The following AP1AR variants were observed in gnomAD, a reference collection of about 807,000 sequenced individuals.
The protein encoded by AP1AR is AP-1 complex-associated regulatory protein.
Under a neutral mutation model 46.3 loss-of-function variants are expected in AP1AR, and 29 were observed. The observed-to-expected ratio is 0.63, with a 90% confidence interval of 0.47 to 0.85. AP1AR has a LOEUF of 0.85. Among genes scored for constraint, AP1AR ranks in the 40% least tolerant of loss-of-function variants. The pLI, the probability that AP1AR is intolerant of heterozygous loss-of-function variation, is 0.00. For synonymous variants in AP1AR, 122 were observed against 122.9 expected, an observed-to-expected ratio of 0.99 and a Z score of 0.05; for missense variants, 357 against 356.3, an observed-to-expected ratio of 1.00 and a Z score of -0.02.
intron 1 of AP1AR, among the ~76,000 whole-genome samples, chr4:112,249,409 C>T (rs1055003815): frequency 1.3e-5 from 2 of 151,692 alleles, no homozygotes; most frequent in African/African-American, 2.4e-5. Flanking sequence ...CCTGTAATCT[C>T]ACCACTTTGG....
At chr4:112,238,207 C>G (rs957751692) in intron 1 of AP1AR, among the ~76,000 whole-genome samples, 2 of 152,234 alleles carry the variant, frequency 1.3e-5, no homozygotes, top group Non-Finnish European at 2.9e-5. Flanking sequence ...ATCACTCTCT[C>G]CATTCTCAGT....
chr4:112,232,195 G>GCCCGGCCCCCGTGGCTCCTC, intron 1 of AP1AR, 21 bp downstream of exon 1: 2 of 1,266,138 alleles, frequency 1.6e-6, no homozygotes, highest in South Asian at 6.1e-5. Context: ...TGGGGGAGGG[G>GCCCGGCCCCCGTGGCTCCTC]CCCGGCCCCC....
At chr4:112,265,450 A>G (rs983164102) in intron 7 of AP1AR, 1 of 384,238 alleles carries the variant, frequency 2.6e-6, no homozygotes, top group African/African-American at 2.1e-5. Flanking sequence ...CACAAGTATC[A>G]CTACTCATTC....
rs1726834382 is a variant in AP1AR at position 112,268,999 on chromosome 4, A to G, written c.*590A>G. ...TTTATTTACATGTCCTAGTATGATA[A>G]TGTTGATTCAATCTGAACAAAAGAT... On this transcript the variant is annotated 3_prime_UTR_variant, in exon 10 of 10. Transcript: ENST00000274000. 1 of 151,638 alleles carries G rather than the reference A, an allele frequency of 6.6e-6. No homozygotes were observed. Among genetic ancestry groups the G allele is most frequent in the Non-Finnish European group, 1.5e-5 (1 of 67,772 alleles). 9.4% of individuals were successfully genotyped at this position (151,638 alleles called of 1,614,324 possible).
intron 6 of AP1AR, among the ~76,000 whole-genome samples, chr4:112,264,517 T>C (rs77266275): frequency 0.056 from 8,545 of 152,254 alleles, 307 homozygotes; most frequent in Non-Finnish European, 0.085. Context: ...ATATAGCTAA[T>C]AGCTATCAGA....
intron 2 of AP1AR, among the ~76,000 whole-genome samples, chr4:112,254,141 A>G (rs1726082218): frequency 6.6e-6 from 1 of 152,218 alleles, no homozygotes; most frequent in South Asian, 2.1e-4. Context: ...TAAAATAAAA[A>G]CACTTTAGTG....
intron 1 of AP1AR, among the ~76,000 whole-genome samples, chr4:112,242,695 G>A (rs1725558334): frequency 6.6e-6 from 1 of 152,134 alleles, no homozygotes; most frequent in South Asian, 2.1e-4. Context: ...CCATTCATGA[G>A]GGATCCACCA....
chr4:112,249,074 C>G (rs1179481377), intron 1 of AP1AR, among the ~76,000 whole-genome samples: 1 of 152,106 alleles, frequency 6.6e-6, no homozygotes, highest in Admixed American at 6.5e-5. Flanking sequence ...AGACAGATCA[C>G]CTGGGGTCAG....
At chr4:112,248,060 T>C (rs1047825019) in intron 1 of AP1AR, among the ~76,000 whole-genome samples, 1 of 152,162 alleles carries the variant, frequency 6.6e-6, no homozygotes, top group African/African-American at 2.4e-5. Flanking sequence ...CTCAATATAA[T>C]CAAGCTTTTA....
intron 1 of AP1AR, among the ~76,000 whole-genome samples, chr4:112,232,866 C>T (rs1437265185): frequency 2.6e-5 from 4 of 152,214 alleles, no homozygotes; most frequent in Non-Finnish European, 5.9e-5. Flanking sequence ...TGCAGTCCTT[C>T]TGAACTTCAC....
chr4:112,273,106 C>CAT lies in AP1AR; in HGVS notation c.*4698_*4699insTA, dbSNP rs1295870718. 1 of 151,938 alleles carries CAT rather than the reference C, an allele frequency of 6.6e-6. No homozygotes were observed. The highest frequency in any genetic ancestry group is 1.5e-5 in the Non-Finnish European group (1 of 67,994). 9.4% of individuals were successfully genotyped at this position (151,938 alleles called of 1,614,324 possible). A position where few individuals can be genotyped will look rare whatever the true frequency, so the allele number is the denominator to read the frequency against. On this transcript the variant is annotated 3_prime_UTR_variant, in exon 10 of 10. Transcript: ENST00000274000. ...CAATAACAATAAAAATGGAGAGAAA[C>CAT]AGAATCCCTGCATCTGATTCTTGAA...
In AP1AR at chr4:112,232,126, T is replaced by C. The variant is rs1019169184; in HGVS notation, c.35T>C (p.Leu12Pro). 2.3e-6 allele frequency: 3 copies of C among 1,287,478 alleles called. No individual in the cohort carries two copies. Among genetic ancestry groups the C allele is most frequent in the African/African-American group, 1.5e-5 (1 of 64,892 alleles). 79.8% of individuals were successfully genotyped at this position (1,287,478 alleles called of 1,614,324 possible). The change falls in exon 1 of 10, where the codon CTG becomes CCG. Residue 12 changes from leucine to proline, a missense_variant. Physicochemically the swap from Leu to Pro is moderately conservative, Grantham distance 98. Around this residue, in one of 2 missense-constraint regions of AP1AR, gnomAD observed 269 missense variants for 223.6 expected, o/e 1.20. Transcript: ENST00000274000. ...GNCCWTQCFG[L>P]LRKEAGRLQR... Reference sequence around the variant, plus strand: ...TGCTGCTGGACGCAGTGCTTCGGACTGCTTCGCAAGGAAGCGGGGCGGCTG... The same window carrying C: ...TGCTGCTGGACGCAGTGCTTCGGACCGCTTCGCAAGGAAGCGGGGCGGCTG...
chr4:112,265,663 C>CA (rs1374219920), intron 7 of AP1AR, 71 bp from the exon 8 acceptor site: 38 of 1,124,154 alleles, frequency 3.4e-5, no homozygotes, highest in Admixed American at 6.4e-5. Flanking sequence ...ACAATGCCAT[C>CA]ATTAGCTTAT....
Position 112,268,127 on chromosome 4 carries a change from C to T in AP1AR, c.644-17C>T. The T allele has an allele frequency of 6.6e-7, 1 of 1,507,538 alleles. No individual in the cohort carries two copies. Among genetic ancestry groups the T allele is most frequent in the Non-Finnish European group, 8.8e-7 (1 of 1,130,384 alleles). 93.4% of individuals were successfully genotyped at this position (1,507,538 alleles called of 1,614,324 possible). Reference sequence around the variant, plus strand: ...TTATCTGTTCTGAGATTTTTGAAAACTCTGTTCAAATCATAGGAATGAATA... The same window carrying T: ...TTATCTGTTCTGAGATTTTTGAAAATTCTGTTCAAATCATAGGAATGAATA... On this transcript the variant is annotated splice_polypyrimidine_tract_variant and intron_variant, in intron 9 of 9. Coordinates refer to ENST00000274000, the MANE Select transcript of AP1AR (RefSeq NM_018569.6).
At chr4:112,242,551 A>G (rs1167107901) in intron 1 of AP1AR, among the ~76,000 whole-genome samples, 5 of 152,158 alleles carry the variant, frequency 3.3e-5, no homozygotes, top group African/African-American at 1.2e-4. Flanking sequence ...ACTAGTGGCA[A>G]AAGGTGAAGG....
Position 112,269,288 on chromosome 4 carries a change from C to T in AP1AR, c.*879C>T, listed in dbSNP as rs953830875. On this transcript the variant is annotated 3_prime_UTR_variant, in exon 10 of 10. Transcript: ENST00000274000. ...GAAAAGAAAATCTAAAAAGGTAATA[C>T]GGGTATTTCAAATAAAATCCTTTCT... The T allele has an allele frequency of 2.0e-5, 3 of 152,066 alleles. No individual in the cohort carries two copies. The highest frequency in any genetic ancestry group is 4.4e-5 in the Non-Finnish European group (3 of 67,802). The allele number at this position is 152,066 out of a possible 1,614,324, so 9.4% of individuals were successfully genotyped here.
chr4:112,268,108 G>C, intron 9 of AP1AR, 36 bp from the exon 10 acceptor site: 1 of 1,503,606 alleles, frequency 6.7e-7, no homozygotes, highest in Non-Finnish European at 8.9e-7. Context: ...TTTATTATCT[G>C]TTCTGAGATT....
At position 112,260,752 on chromosome 4, in the gene AP1AR, CT is replaced by C; in HGVS notation, c.186-7del. 13 of 1,532,100 alleles carry C rather than the reference CT, an allele frequency of 8.5e-6. No homozygotes were observed. The highest frequency in any genetic ancestry group is 2.3e-5 in the East Asian group (1 of 43,680). 94.9% of individuals were successfully genotyped at this position (1,532,100 alleles called of 1,614,324 possible). On this transcript the variant is annotated splice_polypyrimidine_tract_variant and intron_variant, in intron 4 of 9. Coordinates refer to ENST00000274000, the MANE Select transcript of AP1AR (RefSeq NM_018569.6). ...TTTGTTTTTTCTTTTTCTCCTCCTCCTTTTTTTCTCTAGGCCTCTTACTGAG... is the reference window on the plus strand; with the variant it reads ...TTTGTTTTTTCTTTTTCTCCTCCTCCTTTTTTCTCTAGGCCTCTTACTGAG...
At chr4:112,250,355 T>C (rs1725901422) in intron 1 of AP1AR, among the ~76,000 whole-genome samples, 1 of 152,232 alleles carries the variant, frequency 6.6e-6, no homozygotes, top group Non-Finnish European at 1.5e-5. Flanking sequence ...CTCTCCGAAA[T>C]CTGAAATGGT....
Sources: gnomAD v4.1 joint callset for allele counts (sites outside exome capture counted in the v4.1 genomes callset) on GRCh38, gnomAD v4.1.1 for gene constraint, gnomAD v4.1.1 regional missense constraint, MANE v1.5 for transcripts, NCBI Gene and HGNC (gene_info 2026-07-23, HGNC 2026-07-21) for gene names.